Variants in FOCAD observed in about 807,000 individuals in gnomAD.
FOCAD encodes KIAA1797.
In FOCAD, 198 loss-of-function variants were observed where a neutral mutation model predicts 225.6. That is an observed-to-expected ratio of 0.88 (90% CI 0.78 to 0.99). The LOEUF is 0.99. Among genes scored for constraint, FOCAD ranks in the 50% least tolerant of loss-of-function variants. The pLI, the probability that FOCAD is intolerant of heterozygous loss-of-function variation, is 0.00. For missense variants in FOCAD, 2,713 were observed against 2,123.6 expected, an observed-to-expected ratio of 1.28 and a Z score of -5.46; for synonymous variants, 897 against 755.0, an observed-to-expected ratio of 1.19 and a Z score of -3.08.
chr9:20,964,738 G>A (rs1221831521), intron 35 of FOCAD, among the ~76,000 whole-genome samples: 4 of 152,166 alleles, frequency 2.6e-5, no homozygotes, highest in African/African-American at 9.7e-5. Flanking sequence ...CTTTCACCAT[G>A]TTGGCCAGGA....
intron 1 of FOCAD, among the ~76,000 whole-genome samples, chr9:20,702,048 T>C (rs1377805834): frequency 1.3e-5 from 2 of 152,208 alleles, no homozygotes; most frequent in Non-Finnish European, 2.9e-5. Flanking sequence ...CAAAATGCTT[T>C]AATGGATTAT....
In FOCAD at chr9:20,770,116, A is replaced by G. The variant is rs1818046236; in HGVS notation, c.784A>G (p.Lys262Glu). ...LSLLRHPVFW[K>E]IQLTQMSLQL... ...CCTTTTGCGTCATCCTGTTTTCTGGAAAATTCAGCTTACCCAGATGAGTCT... is the reference window on the plus strand; with the variant it reads ...CCTTTTGCGTCATCCTGTTTTCTGGGAAATTCAGCTTACCCAGATGAGTCT... The change falls in exon 8 of 44, where the codon AAA becomes GAA. Residue 262 changes from lysine (K) to glutamate (E), a missense_variant. Coordinates refer to ENST00000338382, the MANE Select transcript of FOCAD (RefSeq NM_001375567.1). 1.2e-6 allele frequency: 2 copies of G among 1,614,124 alleles called. No homozygotes were observed. Among genetic ancestry groups the G allele is most frequent in the Non-Finnish European group, 8.5e-7 (1 of 1,180,004 alleles).
intron 15 of FOCAD, among the ~76,000 whole-genome samples, chr9:20,861,677 A>G (rs766228274): frequency 6.6e-6 from 1 of 152,206 alleles, no homozygotes; most frequent in South Asian, 2.1e-4. Flanking sequence ...TAGTTTTTCT[A>G]AATAATTTAT....
At position 20,961,803 on chromosome 9, in the gene FOCAD, G is replaced by C. The variant is rs892903249; in HGVS notation, c.4132+8738G>C. Among the ~76,000 whole-genome samples the C allele has an allele frequency of 1.3e-5, 2 of 152,050 alleles. 1 individual carries two copies. Among genetic ancestry groups the C allele is most frequent in the Non-Finnish European group, 2.9e-5 (2 of 68,012 alleles). ...GTCCTAAACTGCCTTCCTCACTCAG[G>C]TCTCCACTGGGTGCCATCCTACTTT... On this transcript the variant is annotated intron_variant, in intron 35 of 43. Transcript: ENST00000338382.
chr9:20,944,924 A>T, intron 29 of FOCAD, 150 bp downstream of exon 29: 1 of 870,246 alleles, frequency 1.1e-6, no homozygotes, highest in Middle Eastern at 3.6e-4. Flanking sequence ...ATATTAGATC[A>T]TAAGGTTTTC....
intron 11 of FOCAD, among the ~76,000 whole-genome samples, chr9:20,798,185 T>C (rs1256015770): frequency 6.6e-6 from 1 of 152,170 alleles, no homozygotes; most frequent in African/African-American, 2.4e-5. Context: ...CCTTGCATCC[T>C]AGGGATGAAG....
intron 4 of FOCAD, among the ~76,000 whole-genome samples, chr9:20,735,235 A>G (rs1556476): frequency 0.43 from 65,344 of 151,896 alleles, 14,186 homozygotes; most frequent in East Asian, 0.52. Flanking sequence ...CTCTCTCTTA[A>G]CTTTGTTTTC....
In FOCAD at chr9:20,990,374, G is replaced by A; in HGVS notation, c.5256G>A (p.Lys1752=). 6.2e-7 allele frequency: 1 copy of A among 1,612,856 alleles called. No homozygotes were observed. The highest frequency in any genetic ancestry group is 1.1e-5 in the South Asian group (1 of 90,876). ...AGCCATGGAAGGAACAGACCCAGAA[G>A]GTGAGGCTGGCAGCCACCTGCTTAG... ...QKEPWKEQTQ[K]FIDWLFSIME... is the part of the protein sequence containing the mutation. Residue 1752 remains lysine (K), a splice_region_variant and synonymous_variant, in exon 42 of 44, where the codon AAG becomes AAA. Coordinates refer to ENST00000338382, the MANE Select transcript of FOCAD (RefSeq NM_001375567.1).
chr9:20,658,810 A>G (rs1174866989), exon 2 of FOCAD: 1 of 153,478 alleles, frequency 6.5e-6, no homozygotes, highest in African/African-American at 2.4e-5. Flanking sequence ...CCCTGCAACT[A>G]ACTCCATTCT....
intron 1 of FOCAD, among the ~76,000 whole-genome samples, chr9:20,694,197 C>T (rs762515127): frequency 1.3e-5 from 2 of 152,186 alleles, no homozygotes; most frequent in Non-Finnish European, 2.9e-5. Context: ...AAAGCTGAAA[C>T]AGGTGAAAGG....
At chr9:20,733,583 A>G (rs1447529260) in intron 4 of FOCAD, among the ~76,000 whole-genome samples, 1 of 152,040 alleles carries the variant, frequency 6.6e-6, no homozygotes, top group Non-Finnish European at 1.5e-5. Flanking sequence ...TTCAATTCCC[A>G]TCTATGAGTG....
At chr9:20,839,225 C>G (rs1296529787) in intron 15 of FOCAD, among the ~76,000 whole-genome samples, 1 of 149,124 alleles carries the variant, frequency 6.7e-6, no homozygotes, top group Non-Finnish European at 1.5e-5. Flanking sequence ...ATGTGAGGCA[C>G]TGTTAACCTT....
chr9:20,710,252 T>TG (rs1824724146), intron 1 of FOCAD, among the ~76,000 whole-genome samples: 1 of 149,428 alleles, frequency 6.7e-6, no homozygotes, highest in African/African-American at 2.5e-5. Context: ...TTTTTTTTTT[T>TG]GCTGAATAAC....
chr9:20,731,313 G>T (rs1460298654), intron 4 of FOCAD, among the ~76,000 whole-genome samples: 1 of 152,068 alleles, frequency 6.6e-6, no homozygotes. Context: ...AGAATTCATT[G>T]CTTGATAATA....
At chr9:20,731,387 A>C (rs73436472) in intron 4 of FOCAD, among the ~76,000 whole-genome samples, 1 of 152,206 alleles carries the variant, frequency 6.6e-6, no homozygotes, top group African/African-American at 2.4e-5. Context: ...TAAATGTGTG[A>C]TCCCTTAAAT....
chr9:20,769,207 A>G (rs1817925458), intron 7 of FOCAD, among the ~76,000 whole-genome samples: 1 of 152,074 alleles, frequency 6.6e-6, no homozygotes, highest in Admixed American at 6.6e-5. Flanking sequence ...TTTGCTAGCA[A>G]CTAATTTTTC....
At chr9:20,886,386 C>T (rs931262260) in intron 21 of FOCAD, among the ~76,000 whole-genome samples, 1 of 152,052 alleles carries the variant, frequency 6.6e-6, no homozygotes, top group African/African-American at 2.4e-5. Flanking sequence ...AACGTGGTAC[C>T]TTTTTGTGTT....
In FOCAD at chr9:20,923,778, G is replaced by T. The variant is rs1225127174; in HGVS notation, c.2961+10G>T. On this transcript the variant is annotated intron_variant, in intron 25 of 43. Coordinates refer to ENST00000338382, the MANE Select transcript of FOCAD (RefSeq NM_001375567.1). ...TGACGGGCTCCTGGAGGTTAGTTGG[G>T]GTGATTTAAACAATTGGCTTTGATT... The T allele has an allele frequency of 6.2e-7, 1 of 1,602,802 alleles. No individual in the cohort carries two copies. The highest frequency in any genetic ancestry group is 1.7e-5 in the Admixed American group (1 of 59,694).
At chr9:20,917,091 T>C (rs990168252) in intron 24 of FOCAD, among the ~76,000 whole-genome samples, 154 bp downstream of exon 24, 1 of 152,180 alleles carries the variant, frequency 6.6e-6, no homozygotes, top group Admixed American at 6.6e-5. Context: ...ACCCTTCTTA[T>C]AGTAGGTGAA....
Sources: gnomAD v4.1 joint callset for allele counts (sites outside exome capture counted in the v4.1 genomes callset) on GRCh38, gnomAD v4.1.1 for gene constraint, MANE v1.5 for transcripts, NCBI Gene and HGNC (gene_info 2026-07-23, HGNC 2026-07-21) for gene names.